The following CCDC102A variants were observed in gnomAD, a reference collection of about 807,000 sequenced individuals.
The protein encoded by CCDC102A is coiled-coil domain containing 102A, also known as coiled-coil domain-containing protein 102A.
A neutral mutation model predicts 55.5 loss-of-function variants in CCDC102A; 40 were observed. That is an observed-to-expected ratio of 0.72 (90% confidence interval 0.56 to 0.94). The LOEUF is 0.94. Ranked by LOEUF, CCDC102A falls within the 40% of genes least tolerant of loss-of-function variation. The pLI is 0.00. For synonymous variants in CCDC102A, 323 were observed against 339.0 expected, an observed-to-expected ratio of 0.95 and a Z score of 0.52; for missense variants, 779 against 768.6, an observed-to-expected ratio of 1.01 and a Z score of -0.16.
At position 57,516,284 on chromosome 16, in the gene CCDC102A, G is replaced by T. The variant is rs1315379032; in HGVS notation, c.1419+9C>A. 4 of 1,602,414 alleles carry T rather than the reference G, an allele frequency of 2.5e-6. No individual in the cohort carries two copies. The highest frequency in any genetic ancestry group is 3.4e-6 in the Non-Finnish European group (4 of 1,179,606). ...TCTGTTGCTGCCCCTGCCCCTCTGT[G>T]GTCCTCACCTCGTCCTCAGCCTGGG... On this transcript the variant is annotated intron_variant, in intron 7 of 8. Transcript: ENST00000258214. This position sits in a 1 kb window ranked among gnomAD's most constrained non-coding sequence, Gnocchi z 4.4.
chr16:57,528,961 C>T lies in CCDC102A; in HGVS notation c.217G>A (p.Glu73Lys), dbSNP rs1357206244. The change falls in exon 2 of 9, where the codon GAG becomes AAG. Residue 73 changes from glutamate (E) to lysine (K), a missense_variant. Coordinates refer to ENST00000258214, the MANE Select transcript of CCDC102A (RefSeq NM_033212.4). ...LLADGDWESR[E>K]ELRLRELEEA... ...TCCAGCTCCCGCAGCCGCAGCTCCTCGCGGCTCTCCCAGTCGCCGTCGGCC... is the reference window on the plus strand; with the variant it reads ...TCCAGCTCCCGCAGCCGCAGCTCCTTGCGGCTCTCCCAGTCGCCGTCGGCC... The T allele has an allele frequency of 7.4e-7, 1 of 1,348,098 alleles. No homozygotes were observed. The allele number at this position is 1,348,098 out of a possible 1,614,324, so 83.5% of individuals were successfully genotyped here. A position where few individuals can be genotyped will look rare whatever the true frequency, so the allele number is the denominator to read the frequency against.
chr16:57,512,248 G>A lies in CCDC102A; in HGVS notation c.*493C>T, dbSNP rs950987350. The stretch of plus-strand genomic sequence containing the variant: ...TCTGGTTCAGCGTCAGGTGCAGGCC[G>A]ATGCCGTCCCCCACAACCCCCGCCC... On this transcript the variant is annotated 3_prime_UTR_variant, in exon 9 of 9. Coordinates refer to ENST00000258214, the MANE Select transcript of CCDC102A (RefSeq NM_033212.4). The A allele has an allele frequency of 7.6e-6, 3 of 395,460 alleles. No homozygotes were observed. Among genetic ancestry groups the A allele is most frequent in the Non-Finnish European group, 1.3e-5 (3 of 224,744 alleles). 24.5% of individuals were successfully genotyped at this position (395,460 alleles called of 1,614,324 possible). A position where few individuals can be genotyped will look rare whatever the true frequency, so the allele number is the denominator to read the frequency against.
intron 8 of CCDC102A, among the ~76,000 whole-genome samples, chr16:57,514,628 C>T: frequency 6.6e-6 from 1 of 152,228 alleles, no homozygotes; most frequent in South Asian, 2.1e-4. Flanking sequence ...CAAGGCCACA[C>T]AGCTGCTAAT....
At chr16:57,520,645 T>C (rs1368366918) in intron 4 of CCDC102A, among the ~76,000 whole-genome samples, 2 of 142,942 alleles carry the variant, frequency 1.4e-5, no homozygotes, top group Admixed American at 1.4e-4. Flanking sequence ...ATAAATAAAA[T>C]TAAAATAAAA....
chr16:57,536,799 G>A (rs998329365), upstream of CCDC102A, among the ~76,000 whole-genome samples: 1 of 152,168 alleles, frequency 6.6e-6, no homozygotes, highest in Non-Finnish European at 1.5e-5. Flanking sequence ...CCCAACGGAG[G>A]CCCCACCCCC....
intron 3 of CCDC102A, among the ~76,000 whole-genome samples, chr16:57,524,051 G>A (rs1050662221): frequency 2.0e-5 from 3 of 152,140 alleles, no homozygotes; most frequent in South Asian, 2.1e-4. Flanking sequence ...ATGGGAGGAT[G>A]TAGGGATCCC....
Position 57,518,184 on chromosome 16 carries a change from G to C in CCDC102A, c.1132C>G (p.Leu378Val). The change falls in exon 6 of 9, where the codon CTG becomes GTG. Residue 378 changes from leucine (L) to valine (V), a missense_variant. Transcript: ENST00000258214. ...KLGLERENKK[L>V]RAQVGDLEEA... is the part of the protein sequence containing the mutation. ...TCCAGGTCTCCGACCTGTGCCCGCA[G>C]CTTCTTGTTCTCCCGCTCAAGGCCC... The C allele has an allele frequency of 6.2e-7, 1 of 1,612,680 alleles. No homozygotes were observed.
intron 2 of CCDC102A, among the ~76,000 whole-genome samples, chr16:57,527,282 G>A (rs1454908417): frequency 1.3e-5 from 2 of 152,224 alleles, no homozygotes; most frequent in Admixed American, 6.5e-5. Flanking sequence ...TAACAGGCCT[G>A]CTGGCTCAGG....
Position 57,516,257 on chromosome 16 carries a change from G to A in CCDC102A, c.1419+36C>T, listed in dbSNP as rs745521936. 1.3e-6 allele frequency: 2 copies of A among 1,591,410 alleles called. No homozygotes were observed. Among genetic ancestry groups the A allele is most frequent in the Non-Finnish European group, 1.7e-6 (2 of 1,172,972 alleles). ...GCGGCCCCCACTCCTCCCTGGCCAAGGTCTGTTGCTGCCCCTGCCCCTCTG... is the reference window on the plus strand; with the variant it reads ...GCGGCCCCCACTCCTCCCTGGCCAAAGTCTGTTGCTGCCCCTGCCCCTCTG... On this transcript the variant is annotated intron_variant, in intron 7 of 8. Coordinates refer to ENST00000258214, the MANE Select transcript of CCDC102A (RefSeq NM_033212.4). The surrounding 1 kb of genome is among the most constrained non-coding windows in gnomAD (Gnocchi z 4.4).
intron 1 of CCDC102A, among the ~76,000 whole-genome samples, chr16:57,534,542 G>A (rs1304307469): frequency 2.0e-5 from 3 of 152,070 alleles, no homozygotes; most frequent in African/African-American, 7.2e-5. Flanking sequence ...TAACCTCTCT[G>A]CACAGAGTAT....
At chr16:57,523,801 C>T (rs1409562806) in intron 3 of CCDC102A, among the ~76,000 whole-genome samples, 1 of 152,028 alleles carries the variant, frequency 6.6e-6, no homozygotes, top group East Asian at 1.9e-4. Context: ...CAAAAATTAG[C>T]CGGGTCTGGT....
chr16:57,517,625 T>C (rs1019260208), intron 6 of CCDC102A, among the ~76,000 whole-genome samples: 1 of 152,236 alleles, frequency 6.6e-6, no homozygotes, highest in Non-Finnish European at 1.5e-5. Context: ...ATTACAGATG[T>C]GTGCCACTGC....
At chr16:57,536,156 T>C (rs1348578663) in intron 1 of CCDC102A, among the ~76,000 whole-genome samples, 3 of 151,702 alleles carry the variant, frequency 2.0e-5, no homozygotes, top group Non-Finnish European at 4.4e-5. Flanking sequence ...GCATTCGCCA[T>C]GGCGACCACG....
In CCDC102A at chr16:57,526,142, G is replaced by C. The variant is rs755048547; in HGVS notation, c.586-15C>G. The C allele has an allele frequency of 1.3e-6, 2 of 1,518,400 alleles. No individual in the cohort carries two copies. Among genetic ancestry groups the C allele is most frequent in the Admixed American group, 2.2e-5 (1 of 45,222 alleles). 94.1% of individuals were successfully genotyped at this position (1,518,400 alleles called of 1,614,324 possible). A position where few individuals can be genotyped will look rare whatever the true frequency, so the allele number is the denominator to read the frequency against. On this transcript the variant is annotated splice_polypyrimidine_tract_variant and intron_variant, in intron 2 of 8. Transcript: ENST00000258214. ...AGCTCCAGTTCCTGCGGGGACCAAGGTGGAGGCTGGACCAGTGGCCGCCAA... is the reference window on the plus strand; with the variant it reads ...AGCTCCAGTTCCTGCGGGGACCAAGCTGGAGGCTGGACCAGTGGCCGCCAA...
chr16:57,525,847 C>T (rs1567604435), intron 3 of CCDC102A, 54 bp downstream of exon 3: 6 of 1,492,008 alleles, frequency 4.0e-6, no homozygotes, highest in African/African-American at 1.4e-5. Flanking sequence ...ATTCTGAGGG[C>T]GTTGTAGCAC....
intron 5 of CCDC102A, 104 bp from the exon 6 acceptor site, chr16:57,518,381 G>T: frequency 9.3e-7 from 1 of 1,080,452 alleles, no homozygotes; most frequent in Non-Finnish European, 1.3e-6. Flanking sequence ...GCTCCAGGAA[G>T]CAGATCCAGC....
At chr16:57,536,075 C>G (rs1213528204) in intron 1 of CCDC102A, among the ~76,000 whole-genome samples, 1 of 152,198 alleles carries the variant, frequency 6.6e-6, no homozygotes, top group Admixed American at 6.5e-5. Flanking sequence ...ACCGCATGGC[C>G]CCCATTGGCA....
In CCDC102A at chr16:57,512,631, G is replaced by A. The variant is rs1350010540; in HGVS notation, c.*110C>T. 1 of 1,355,188 alleles carries A rather than the reference G, an allele frequency of 7.4e-7. No homozygotes were observed. Among genetic ancestry groups the A allele is most frequent in the South Asian group, 1.5e-5 (1 of 68,570 alleles). The allele number at this position is 1,355,188 out of a possible 1,614,324, so 83.9% of individuals were successfully genotyped here. On this transcript the variant is annotated 3_prime_UTR_variant, in exon 9 of 9. Coordinates refer to ENST00000258214, the MANE Select transcript of CCDC102A (RefSeq NM_033212.4). ...CTGGGAGAGAAGAAAGTCGGCTGTG[G>A]CAGGGACTGGTCCCAGAGTGAGCCT...
At chr16:57,519,036 A>T (rs2032004642) in intron 4 of CCDC102A, among the ~76,000 whole-genome samples, 2 of 152,108 alleles carry the variant, frequency 1.3e-5, no homozygotes, top group South Asian at 2.1e-4. Flanking sequence ...ATGCAATCAT[A>T]CCACCCTCCT....
Sources: allele counts gnomAD v4.1 joint callset (sites outside exome capture counted in the v4.1 genomes callset), GRCh38; gene constraint gnomAD v4.1.1; non-coding constraint Gnocchi (gnomAD v3.1); transcripts MANE v1.5; gene names NCBI Gene and HGNC (gene_info 2026-07-23, HGNC 2026-07-21).